Variants in SYNDIG1 observed in about 807,000 individuals in gnomAD.
SYNDIG1 encodes the protein synapse differentiation-inducing gene protein 1.
In SYNDIG1, 9 loss-of-function variants were observed where a neutral mutation model predicts 19.4. That is an observed-to-expected ratio of 0.46 (90% CI 0.28 to 0.81). The LOEUF is 0.81. Ranked by LOEUF, SYNDIG1 falls within the 30% of genes least tolerant of loss-of-function variation. The probability of loss-of-function intolerance (pLI) is 0.12; values close to 1 mark genes in which losing one functional copy is unlikely to be tolerated. For synonymous variants in SYNDIG1, 141 were observed against 145.9 expected, an observed-to-expected ratio of 0.97 and a Z score of 0.24; for missense variants, 311 against 343.3, an observed-to-expected ratio of 0.91 and a Z score of 0.74.
chr20:24,490,757 G>A (rs2056124028), intron 1 of SYNDIG1, among the ~76,000 whole-genome samples: 1 of 152,178 alleles, frequency 6.6e-6, no homozygotes, highest in South Asian at 2.1e-4. Flanking sequence ...GGCTGATCGG[G>A]GCCCTTCATA....
At chr20:24,597,284 G>T (rs2058610393) in intron 3 of SYNDIG1, 1 of 152,226 alleles carries the variant, frequency 6.6e-6, no homozygotes, top group African/African-American at 2.4e-5. Flanking sequence ...TTCTGGCTTT[G>T]TGTCATGGAA....
chr20:24,483,078 G>A (rs2055843387), intron 1 of SYNDIG1, among the ~76,000 whole-genome samples: 1 of 152,226 alleles, frequency 6.6e-6, no homozygotes, highest in Non-Finnish European at 1.5e-5. Flanking sequence ...AGGTCTGGAT[G>A]TAATGTTTCG....
chr20:24,587,419 T>C (rs1379599736), intron 3 of SYNDIG1, among the ~76,000 whole-genome samples: 1 of 152,128 alleles, frequency 6.6e-6, no homozygotes, highest in African/African-American at 2.4e-5. Flanking sequence ...GCAGTGGTGG[T>C]TCCGGGAGCT....
chr20:24,617,848 G>A (rs1302970008), intron 3 of SYNDIG1, among the ~76,000 whole-genome samples: 4 of 143,480 alleles, frequency 2.8e-5, no homozygotes, highest in Admixed American at 6.9e-5. Context: ...GGGGGTCCTG[G>A]GGGAGGGTAT....
In SYNDIG1 at chr20:24,666,226, C is replaced by G. The variant is rs1037104851; in HGVS notation, c.*722C>G. 3 of 152,674 alleles carry G rather than the reference C, an allele frequency of 2.0e-5. No individual in the cohort carries two copies. The highest frequency in any genetic ancestry group is 7.2e-5 in the African/African-American group (3 of 41,464). 9.5% of individuals were successfully genotyped at this position (152,674 alleles called of 1,614,324 possible). A position where few individuals can be genotyped will look rare whatever the true frequency, so the allele number is the denominator to read the frequency against. ...ACCTCGCTGATCTAGGATGGGGAGG[C>G]AGGCCACCGCCCCTCCCAAGACTCC... On this transcript the variant is annotated 3_prime_UTR_variant, in exon 4 of 4. Coordinates refer to ENST00000376862, the MANE Select transcript of SYNDIG1 (RefSeq NM_024893.3).
intron 1 of SYNDIG1, among the ~76,000 whole-genome samples, chr20:24,485,466 A>G (rs1218974343): frequency 1.3e-5 from 2 of 152,224 alleles, no homozygotes; most frequent in Non-Finnish European, 2.9e-5. Flanking sequence ...CACTGAAGAG[A>G]TAGAAAGGAA....
At chr20:24,548,609 T>C (rs2057639055) in intron 2 of SYNDIG1, among the ~76,000 whole-genome samples, 1 of 152,222 alleles carries the variant, frequency 6.6e-6, no homozygotes, top group Non-Finnish European at 1.5e-5. Flanking sequence ...CAGAAAATAA[T>C]AAACAGCATT....
chr20:24,641,445 G>A (rs2147339433), intron 3 of SYNDIG1, among the ~76,000 whole-genome samples: 1 of 152,268 alleles, frequency 6.6e-6, no homozygotes, highest in East Asian at 1.9e-4. Flanking sequence ...AAACAGTATT[G>A]ATAATGGTAC....
intron 1 of SYNDIG1, among the ~76,000 whole-genome samples, chr20:24,533,378 G>A (rs1401876185): frequency 1.3e-5 from 2 of 152,126 alleles, no homozygotes; most frequent in Non-Finnish European, 2.9e-5. Context: ...ACAAACTGCA[G>A]TCGTCTAATA....
At chr20:24,503,082 C>T (rs1207491209) in intron 1 of SYNDIG1, among the ~76,000 whole-genome samples, 1 of 152,206 alleles carries the variant, frequency 6.6e-6, no homozygotes, top group African/African-American at 2.4e-5. Flanking sequence ...GTCAGGGTCT[C>T]AGAAGCTTTG....
At chr20:24,469,944 C>G (rs1427479557) in intron 1 of SYNDIG1, among the ~76,000 whole-genome samples, 191 bp downstream of exon 1, 4 of 151,274 alleles carry the variant, frequency 2.6e-5, no homozygotes, top group African/African-American at 9.7e-5. Flanking sequence ...GGGTGGTCGC[C>G]GCGACGAGAC....
At chr20:24,593,927 T>C (rs926591850) in intron 3 of SYNDIG1, among the ~76,000 whole-genome samples, 1 of 152,244 alleles carries the variant, frequency 6.6e-6, no homozygotes, top group Non-Finnish European at 1.5e-5. Context: ...AGATTCTGGA[T>C]ATTAGACCTT....
chr20:24,641,428 C>T (rs2059375902), intron 3 of SYNDIG1, among the ~76,000 whole-genome samples: 1 of 152,024 alleles, frequency 6.6e-6, no homozygotes, highest in Non-Finnish European at 1.5e-5. Flanking sequence ...TAAAACATTG[C>T]TGAGGAAAAC....
intron 3 of SYNDIG1, 93 bp from the exon 4 acceptor site, chr20:24,665,253 T>C (rs2059637097): frequency 1.4e-6 from 2 of 1,468,672 alleles, no homozygotes; most frequent in Non-Finnish European, 1.8e-6. Context: ...CAACAATGCC[T>C]TTTTCTGAAT....
rs535969481 is a variant in SYNDIG1, at chr20:24,520,565, C to A, written c.-78-22455C>A. On this transcript the variant is annotated intron_variant, in intron 1 of 3. Transcript: ENST00000376862. ...AAAATTAGCTTGGTGTTGTGGTGTG[C>A]GCCTGTAATCCCAGCTGCTCAGGAG... Among the ~76,000 whole-genome samples, 3 of 152,016 alleles carry A rather than the reference C, an allele frequency of 2.0e-5. No individual in the cohort carries two copies. The East Asian group carries it at 5.8e-4, about 30-fold the overall frequency.
chr20:24,554,262 T>C (rs1350506070), intron 2 of SYNDIG1, among the ~76,000 whole-genome samples: 1 of 152,188 alleles, frequency 6.6e-6, no homozygotes, highest in Non-Finnish European at 1.5e-5. Context: ...CAGGGACAAT[T>C]TGACTTCCTC....
At chr20:24,495,954 C>T (rs1465990129) in intron 1 of SYNDIG1, among the ~76,000 whole-genome samples, 1 of 152,210 alleles carries the variant, frequency 6.6e-6, no homozygotes, top group Non-Finnish European at 1.5e-5. Context: ...ACGCCATTCT[C>T]CTGCCTCAGC....
chr20:24,520,891 C>G (rs1274196337), intron 1 of SYNDIG1, among the ~76,000 whole-genome samples: 2 of 152,112 alleles, frequency 1.3e-5, no homozygotes, highest in Non-Finnish European at 2.9e-5. Flanking sequence ...AATCCATGCA[C>G]ATTGCTGTGC....
intron 1 of SYNDIG1, among the ~76,000 whole-genome samples, chr20:24,512,943 T>A (rs992193416): frequency 6.6e-6 from 1 of 151,898 alleles, no homozygotes; most frequent in Non-Finnish European, 1.5e-5. Context: ...AGAGGAACAA[T>A]CAGGAAGCAA....
Sources: gnomAD v4.1 joint callset for allele counts (sites outside exome capture counted in the v4.1 genomes callset) on GRCh38, gnomAD v4.1.1 for gene constraint, MANE v1.5 for transcripts, NCBI Gene and HGNC (gene_info 2026-07-23, HGNC 2026-07-21) for gene names.